Variants in LCE2D observed in about 807,000 individuals in gnomAD.
LCE2D encodes late cornified envelope 2D, also known as late cornified envelope protein 2D.
For synonymous variants in LCE2D, 55 were observed against 51.3 expected (o/e 1.07, Z -0.31); for missense variants, 161 against 142.9 (o/e 1.13, Z -0.65).
Position 152,664,392 on chromosome 1 carries a change from C to A in LCE2D, c.287C>A (p.Pro96His), listed in dbSNP as rs372195789. 3.1e-6 allele frequency: 5 copies of A among 1,607,618 alleles called. No individual in the cohort carries two copies. The African/African-American group carries it at 5.3e-5, about 17-fold the overall frequency. ...HQSPDCCESE[P>H]SGASGCCHSS... ...AGCCCCGATTGCTGTGAGAGTGAAC[C>A]TTCTGGGGCCTCTGGCTGCTGCCAC... is the stretch of plus-strand genomic sequence containing the variant. Residue 96 changes from proline to histidine, a missense_variant, in exon 2 of 2, where the codon CCT becomes CAT. Pro to His is a moderately conservative substitution (Grantham distance 77, BLOSUM62 -2). Transcript: ENST00000368784.
rs1232014098 is a variant in LCE2D, at chr1:152,664,302, C to G, written c.197C>G (p.Ser66Cys). 1 of 1,614,064 alleles carries G rather than the reference C, an allele frequency of 6.2e-7. No individual in the cohort carries two copies. The highest frequency in any genetic ancestry group is 1.3e-5 in the African/African-American group (1 of 74,926). ...CCCAGCTCTGGGGGCTGCTGCAGCTCTGGGGGTGGTGGCTGCTGCCTGAGC... is the reference window on the plus strand; with the variant it reads ...CCCAGCTCTGGGGGCTGCTGCAGCTGTGGGGGTGGTGGCTGCTGCCTGAGC... ...CGPSSGGCCS[S>C]GGGGCCLSHH... The change falls in exon 2 of 2, where the codon TCT becomes TGT. Residue 66 changes from serine to cysteine, a missense_variant. Transcript: ENST00000368784.
At chr1:152,663,647 A>G (rs537178669) in intron 1 of LCE2D, among the ~76,000 whole-genome samples, 87 of 152,332 alleles carry the variant, frequency 5.7e-4, no homozygotes, top group African/African-American at 1.9e-3. Context: ...TCTGTCTTCA[A>G]TGACTTCATG....
Position 152,664,426 on chromosome 1 carries a change from G to T in LCE2D, c.321G>T (p.Gly107=), listed in dbSNP as rs562405396. ...SGASGCCHSS[G]GCC is the part of the protein sequence containing the mutation. ...CCTCTGGCTGCTGCCACAGCTCTGGGGGCTGCTGCTGACCTGGGCTGCAGA... is the reference window on the plus strand; with the variant it reads ...CCTCTGGCTGCTGCCACAGCTCTGGTGGCTGCTGCTGACCTGGGCTGCAGA... Residue 107 remains glycine, a synonymous_variant, in exon 2 of 2, where the codon GGG becomes GGT. Coordinates refer to ENST00000368784, the MANE Select transcript of LCE2D (RefSeq NM_178430.4). The T allele has an allele frequency of 9.3e-6, 15 of 1,612,566 alleles. No individual in the cohort carries two copies. In the South Asian group the frequency reaches 1.5e-4, roughly 17 times the overall value.
Position 152,664,200 on chromosome 1 carries a change from G to C in LCE2D, c.95G>C (p.Cys32Ser). The change falls in exon 2 of 2, where the codon TGC becomes TCC. Residue 32 changes from cysteine (C) to serine (S), a missense_variant. Cys to Ser is a moderately radical substitution (Grantham distance 112). Coordinates refer to ENST00000368784, the MANE Select transcript of LCE2D (RefSeq NM_178430.4). ...TGTCCACCTAAGTGTCCCCCCAAAT[G>C]CCCACCACAGTGCCCAGCTCCATGT... ...PKCPPKCPPK[C>S]PPQCPAPCSP... The C allele has an allele frequency of 6.2e-7, 1 of 1,614,044 alleles. No homozygotes were observed. The highest frequency in any genetic ancestry group is 8.5e-7 in the Non-Finnish European group (1 of 1,180,006).
intron 1 of LCE2D, 103 bp from the exon 2 acceptor site, chr1:152,663,982 T>G: frequency 1.5e-6 from 2 of 1,298,912 alleles, no homozygotes; most frequent in East Asian, 4.8e-5. Context: ...GTGACTGTAT[T>G]ACCTAAATAT....
rs1648495707 is a variant in LCE2D at position 152,664,228 on chromosome 1, C to G, written c.123C>G (p.Ser41=). ...CACCACAGTGCCCAGCTCCATGTTC[C>G]CCTGCAGTCTCTTCCTGCTGTGGTC... ...KCPPQCPAPC[S]PAVSSCCGPS... Residue 41 remains serine, a synonymous_variant, in exon 2 of 2, where the codon TCC becomes TCG. Transcript: ENST00000368784. 1 of 1,614,068 alleles carries G rather than the reference C, an allele frequency of 6.2e-7. No individual in the cohort carries two copies.
In LCE2D at chr1:152,664,583, A is replaced by G; in HGVS notation, c.*145A>G. 8.4e-7 allele frequency: 1 copy of G among 1,194,070 alleles called. No individual in the cohort carries two copies. Among genetic ancestry groups the G allele is most frequent in the African/African-American group, 1.5e-5 (1 of 65,168 alleles). 74.0% of individuals were successfully genotyped at this position (1,194,070 alleles called of 1,614,324 possible). A position where few individuals can be genotyped will look rare whatever the true frequency, so the allele number is the denominator to read the frequency against. ...GGGCTTCCCCAGAACTTTGTGCTTG[A>G]TGGAGCACCCCAGATGGAAGCCTTC... On this transcript the variant is annotated 3_prime_UTR_variant, in exon 2 of 2. Coordinates refer to ENST00000368784, the MANE Select transcript of LCE2D (RefSeq NM_178430.4).
At position 152,664,555 on chromosome 1, in the gene LCE2D, A is replaced by T; in HGVS notation, c.*117A>T. The stretch of plus-strand genomic sequence containing the variant: ...GGGTGGACAGGGACCACAAAGACTC[A>T]TGGGGCTTCCCCAGAACTTTGTGCT... On this transcript the variant is annotated 3_prime_UTR_variant, in exon 2 of 2. Transcript: ENST00000368784. The T allele has an allele frequency of 6.9e-7, 1 of 1,445,404 alleles. No homozygotes were observed. The allele number at this position is 1,445,404 out of a possible 1,614,324, so 89.5% of individuals were successfully genotyped here. A position where few individuals can be genotyped will look rare whatever the true frequency, so the allele number is the denominator to read the frequency against.
chr1:152,664,477 A>C lies in LCE2D; in HGVS notation c.*39A>C. 6.4e-7 allele frequency: 1 copy of C among 1,569,246 alleles called. No homozygotes were observed. Among genetic ancestry groups the C allele is most frequent in the South Asian group, 1.2e-5 (1 of 82,616 alleles). On this transcript the variant is annotated 3_prime_UTR_variant, in exon 2 of 2. Coordinates refer to ENST00000368784, the MANE Select transcript of LCE2D (RefSeq NM_178430.4). Reference sequence around the variant, plus strand: ...AGAGCTCTGGTACTGAATGGTCAAAAACCTGCTACAGCCTGATGCTTAACT... The same window carrying C: ...AGAGCTCTGGTACTGAATGGTCAAACACCTGCTACAGCCTGATGCTTAACT...
Position 152,664,194 on chromosome 1 carries a change from C to G in LCE2D, c.89C>G (p.Pro30Arg). Residue 30 changes from proline (P) to arginine (R), a missense_variant, in exon 2 of 2, where the codon CCC becomes CGC. Physicochemically the swap from Pro to Arg is moderately radical, Grantham distance 103. Coordinates refer to ENST00000368784, the MANE Select transcript of LCE2D (RefSeq NM_178430.4). ...CCAAAATGTCCACCTAAGTGTCCCC[C>G]CAAATGCCCACCACAGTGCCCAGCT... is the stretch of plus-strand genomic sequence containing the variant. Reference protein sequence around the residue: ...CTPKCPPKCPPKCPPQCPAPC... With the variant: ...CTPKCPPKCPRKCPPQCPAPC... 1 of 1,614,226 alleles carries G rather than the reference C, an allele frequency of 6.2e-7. No homozygotes were observed. Among genetic ancestry groups the G allele is most frequent in the Non-Finnish European group, 8.5e-7 (1 of 1,180,038 alleles).
In LCE2D at chr1:152,664,498, T is replaced by C. The variant is rs1187144460; in HGVS notation, c.*60T>C. 3 of 1,537,004 alleles carry C rather than the reference T, an allele frequency of 2.0e-6. No homozygotes were observed. Among genetic ancestry groups the C allele is most frequent in the Admixed American group, 2.1e-5 (1 of 47,898 alleles). On this transcript the variant is annotated 3_prime_UTR_variant, in exon 2 of 2. Transcript: ENST00000368784. Reference sequence around the variant, plus strand: ...CAAAAACCTGCTACAGCCTGATGCTTAACTATTTCCCCTTCCTTTCATTCC... The same window carrying C: ...CAAAAACCTGCTACAGCCTGATGCTCAACTATTTCCCCTTCCTTTCATTCC...
chr1:152,664,492 G>A lies in LCE2D; in HGVS notation c.*54G>A. 2 of 1,544,368 alleles carry A rather than the reference G, an allele frequency of 1.3e-6. No homozygotes were observed. The highest frequency in any genetic ancestry group is 8.7e-7 in the Non-Finnish European group (1 of 1,148,764). ...AATGGTCAAAAACCTGCTACAGCCT[G>A]ATGCTTAACTATTTCCCCTTCCTTT... On this transcript the variant is annotated 3_prime_UTR_variant, in exon 2 of 2. Coordinates refer to ENST00000368784, the MANE Select transcript of LCE2D (RefSeq NM_178430.4).
At position 152,664,428 on chromosome 1, in the gene LCE2D, G is replaced by A; in HGVS notation, c.323G>A (p.Gly108Asp). 1.2e-6 allele frequency: 2 copies of A among 1,612,198 alleles called. No individual in the cohort carries two copies. The highest frequency in any genetic ancestry group is 2.2e-5 in the East Asian group (1 of 44,858). Residue 108 changes from glycine (G) to aspartate (D), a missense_variant, in exon 2 of 2, where the codon GGC (glycine) becomes GAC (aspartate). Gly to Asp is a moderately conservative substitution (Grantham distance 94, BLOSUM62 -1). Coordinates refer to ENST00000368784, the MANE Select transcript of LCE2D (RefSeq NM_178430.4). ...TCTGGCTGCTGCCACAGCTCTGGGG[G>A]CTGCTGCTGACCTGGGCTGCAGAAG... Reference protein sequence around the residue: ...GASGCCHSSGGCC With the variant: ...GASGCCHSSGDCC
chr1:152,664,026 G>A (rs1648476860), intron 1 of LCE2D, 59 bp from the exon 2 acceptor site: 2 of 1,547,946 alleles, frequency 1.3e-6, no homozygotes, highest in Non-Finnish European at 1.8e-6. Context: ...GATTTTAGAG[G>A]AGGCATAATT....
intron 1 of LCE2D, among the ~76,000 whole-genome samples, 170 bp downstream of exon 1, chr1:152,663,599 G>A (rs541887308): frequency 1.3e-5 from 2 of 152,314 alleles, no homozygotes; most frequent in African/African-American, 4.8e-5. Flanking sequence ...TGGAGCTCAC[G>A]TAGAAGGGAA....
chr1:152,664,489 C>A lies in LCE2D; in HGVS notation c.*51C>A, dbSNP rs367911101. On this transcript the variant is annotated 3_prime_UTR_variant, in exon 2 of 2. Transcript: ENST00000368784. ...CTGAATGGTCAAAAACCTGCTACAGCCTGATGCTTAACTATTTCCCCTTCC... is the reference window on the plus strand; with the variant it reads ...CTGAATGGTCAAAAACCTGCTACAGACTGATGCTTAACTATTTCCCCTTCC... 1 of 1,547,902 alleles carries A rather than the reference C, an allele frequency of 6.5e-7. No individual in the cohort carries two copies. Among genetic ancestry groups the A allele is most frequent in the Non-Finnish European group, 8.7e-7 (1 of 1,150,512 alleles).
chr1:152,664,070 A>T lies in LCE2D; in HGVS notation c.-21-15A>T, dbSNP rs1471484104. 2 of 1,607,286 alleles carry T rather than the reference A, an allele frequency of 1.2e-6. No homozygotes were observed. On this transcript the variant is annotated splice_polypyrimidine_tract_variant and intron_variant, in intron 1 of 1. Transcript: ENST00000368784. Reference sequence around the variant, plus strand: ...TGGTTTGAAATATTTAAAGAGTTTCATTATTATCTTTTAGGTTGACTAAAC... The same window carrying T: ...TGGTTTGAAATATTTAAAGAGTTTCTTTATTATCTTTTAGGTTGACTAAAC...
chr1:152,664,341 G>T lies in LCE2D; in HGVS notation c.236G>T (p.Arg79Leu). 1.2e-6 allele frequency: 2 copies of T among 1,609,080 alleles called. No individual in the cohort carries two copies. The highest frequency in any genetic ancestry group is 1.7e-6 in the Non-Finnish European group (2 of 1,175,970). ...TGCTGCCTGAGCCACCACAGGCCCC[G>T]TCTCTTCCACCGGCGCCGGCACCAG... ...GGCCLSHHRP[R>L]LFHRRRHQSP... is the part of the protein sequence containing the mutation. The change falls in exon 2 of 2, where the codon CGT becomes CTT. Residue 79 changes from arginine (R) to leucine (L), a missense_variant. By Grantham distance (102) the Arg-to-Leu change is moderately radical (BLOSUM62 -2). Coordinates refer to ENST00000368784, the MANE Select transcript of LCE2D (RefSeq NM_178430.4).
chr1:152,663,773 GCACC>G (rs1239334622), intron 1 of LCE2D, among the ~76,000 whole-genome samples: 2 of 152,178 alleles, frequency 1.3e-5, no homozygotes, highest in African/African-American at 2.4e-5. Context: ...TGTGTCTACA[GCACC>G]CATCTGGGCG....
Sources: allele counts gnomAD v4.1 joint callset (sites outside exome capture counted in the v4.1 genomes callset), GRCh38; gene constraint gnomAD v4.1.1; transcripts MANE v1.5; gene names NCBI Gene and HGNC (gene_info 2026-07-23, HGNC 2026-07-21).